SGCZ: variants seen among roughly 807,000 people sequenced by gnomAD.
The protein encoded by SGCZ is sarcoglycan zeta.
In SGCZ, 40 loss-of-function variants were observed where a neutral mutation model predicts 41.3. That is an observed-to-expected ratio of 0.97 (90% CI 0.75 to 1.26). The LOEUF (loss-of-function observed/expected upper bound fraction) is 1.26, where lower values mean the gene tolerates loss of function less well. Ranked by LOEUF, SGCZ falls within the 50% of genes most tolerant of loss-of-function variation. The pLI, the probability that SGCZ is intolerant of heterozygous loss-of-function variation, is 0.00. For missense variants in SGCZ, 552 were observed against 369.8 expected (o/e 1.49, Z -4.04); for synonymous variants, 206 against 137.5 (o/e 1.50, Z -3.49).
chr8:14,491,816 A>C (rs1801850009), intron 2 of SGCZ, among the ~76,000 whole-genome samples: 1 of 151,054 alleles, frequency 6.6e-6, no homozygotes, highest in Non-Finnish European at 1.5e-5. Flanking sequence ...AATATATTTG[A>C]ATGAATCATG....
chr8:14,626,648 G>A (rs10108935), intron 1 of SGCZ, among the ~76,000 whole-genome samples: 103,064 of 151,946 alleles, frequency 0.68, 35,141 homozygotes, highest in East Asian at 0.78. Flanking sequence ...ACATGAAGAT[G>A]AAGACACAGG....
At chr8:14,971,781 C>T (rs1801306820) in intron 1 of SGCZ, among the ~76,000 whole-genome samples, 1 of 151,546 alleles carries the variant, frequency 6.6e-6, no homozygotes, top group Non-Finnish European at 1.5e-5. Context: ...TCCCAAGTAG[C>T]AGGGACCACA....
At chr8:14,564,851 G>C (rs1804311545) in intron 1 of SGCZ, among the ~76,000 whole-genome samples, 1 of 152,094 alleles carries the variant, frequency 6.6e-6, no homozygotes, top group South Asian at 2.1e-4. Flanking sequence ...ACTTACCACG[G>C]CAATTTAAAC....
chr8:14,138,628 CAAG>C (rs1340283698), intron 5 of SGCZ, among the ~76,000 whole-genome samples: 2 of 151,958 alleles, frequency 1.3e-5, no homozygotes, highest in African/African-American at 4.8e-5. Flanking sequence ...ATCAATTCAA[CAAG>C]AAGAGCTAAC....
chr8:14,091,010 G>A (rs1040205483), intron 7 of SGCZ, among the ~76,000 whole-genome samples: 11 of 151,768 alleles, frequency 7.2e-5, no homozygotes, highest in East Asian at 3.9e-4. Context: ...TGACAGGCCC[G>A]GATGTGTGAT....
At chr8:14,386,131 A>G (rs1804566736) in intron 2 of SGCZ, among the ~76,000 whole-genome samples, 1 of 152,140 alleles carries the variant, frequency 6.6e-6, no homozygotes. Context: ...GAATCCACAA[A>G]TACAGAGGCC....
chr8:15,060,918 C>T (rs1195096096), intron 1 of SGCZ, among the ~76,000 whole-genome samples: 1 of 152,082 alleles, frequency 6.6e-6, no homozygotes, highest in African/African-American at 2.4e-5. Context: ...CTTCGATACT[C>T]CACCATAGTA....
At chr8:14,342,963 G>C (rs1003350810) in intron 2 of SGCZ, among the ~76,000 whole-genome samples, 1 of 152,128 alleles carries the variant, frequency 6.6e-6, no homozygotes, top group Non-Finnish European at 1.5e-5. Context: ...GTGCAGCCTA[G>C]GGATTTGGTG....
intron 1 of SGCZ, among the ~76,000 whole-genome samples, chr8:14,737,127 A>G (rs1043386398): frequency 8.3e-6 from 1 of 120,862 alleles, no homozygotes; most frequent in Non-Finnish European, 1.7e-5. Flanking sequence ...TTATATCTAT[A>G]TACTGGATAT....
Position 14,263,404 on chromosome 8 carries a change from C to G in SGCZ, c.337-25725G>C, listed in dbSNP as rs1026249079. Among the ~76,000 whole-genome samples the G allele has an allele frequency of 3.9e-5, 6 of 151,958 alleles. No homozygotes were observed. In the South Asian group the frequency reaches 1.2e-3, roughly 32 times the overall value. ...TCTCTACCAAAAATACAAAAATTAGCCAGGCGTGGAGGCACGTGCCTGAAA... is the reference window on the plus strand; with the variant it reads ...TCTCTACCAAAAATACAAAAATTAGGCAGGCGTGGAGGCACGTGCCTGAAA... On this transcript the variant is annotated intron_variant, in intron 3 of 7. Coordinates refer to ENST00000382080, the MANE Select transcript of SGCZ (RefSeq NM_139167.4).
At chr8:14,472,761 T>C (rs1801249341) in intron 2 of SGCZ, among the ~76,000 whole-genome samples, 1 of 152,144 alleles carries the variant, frequency 6.6e-6, no homozygotes. Context: ...ACAAATTTGT[T>C]TGTGTATGTA....
rs12546359 is a variant in SGCZ at position 15,040,085 on chromosome 8, C to T, written c.39+197500G>A. On this transcript the variant is annotated intron_variant, in intron 1 of 7. Coordinates refer to ENST00000382080, the MANE Select transcript of SGCZ (RefSeq NM_139167.4). ...ATAAAAGGATTTCTCTATTCAAGCT[C>T]ATACAGCAGCTATTACACAAGACCA... Among the ~76,000 whole-genome samples the T allele has an allele frequency of 1.2e-4, 18 of 152,156 alleles. 1 individual carries two copies. Among genetic ancestry groups the T allele is most frequent in the Admixed American group, 1.0e-3 (16 of 15,300 alleles).
At chr8:15,140,428 T>C (rs1808277252) in intron 1 of SGCZ, among the ~76,000 whole-genome samples, 2 of 152,308 alleles carry the variant, frequency 1.3e-5, no homozygotes, top group South Asian at 4.1e-4. Flanking sequence ...TTGGTTAAAT[T>C]TCTTTTCAGA....
At chr8:14,813,823 C>T (rs1050883821) in intron 1 of SGCZ, among the ~76,000 whole-genome samples, 1 of 152,062 alleles carries the variant, frequency 6.6e-6, no homozygotes, top group Admixed American at 6.6e-5. Context: ...CATGGGGGTG[C>T]ATGCCTGTAA....
chr8:14,952,366 T>A (rs1800668004), intron 1 of SGCZ, among the ~76,000 whole-genome samples: 1 of 152,064 alleles, frequency 6.6e-6, no homozygotes, highest in South Asian at 2.1e-4. Flanking sequence ...TCATTTTAGG[T>A]TCAGCGGATA....
intron 4 of SGCZ, among the ~76,000 whole-genome samples, chr8:14,166,109 A>G (rs181257044): frequency 2.0e-5 from 3 of 152,314 alleles, no homozygotes; most frequent in East Asian, 3.9e-4. Flanking sequence ...CCACATAAAA[A>G]TTTGAAAAGC....
chr8:14,769,450 T>C (rs1372966949), intron 1 of SGCZ, among the ~76,000 whole-genome samples: 1 of 152,206 alleles, frequency 6.6e-6, no homozygotes, highest in Non-Finnish European at 1.5e-5. Context: ...AAGCAAAATC[T>C]AATTTTATGT....
intron 1 of SGCZ, among the ~76,000 whole-genome samples, chr8:14,876,370 T>C (rs765419321): frequency 6.6e-6 from 1 of 152,198 alleles, no homozygotes; most frequent in Non-Finnish European, 1.5e-5. Flanking sequence ...AAGACATTCA[T>C]AGCTGTAAAT....
chr8:14,266,572 A>T lies in SGCZ; in HGVS notation c.337-28893T>A, dbSNP rs7463087. Reference sequence around the variant, plus strand: ...AGAGAAGGAAAGGGACAAAATAGGGAACTGAAATCAGTTTATTTCTAGACA... The same window carrying T: ...AGAGAAGGAAAGGGACAAAATAGGGTACTGAAATCAGTTTATTTCTAGACA... On this transcript the variant is annotated intron_variant, in intron 3 of 7. Transcript: ENST00000382080. Among the ~76,000 whole-genome samples the T allele has an allele frequency of 5.3e-3, 808 of 152,228 alleles. 8 individuals are homozygous for T. Among genetic ancestry groups the T allele is most frequent in the Non-Finnish European group, 9.0e-3 (610 of 67,954 alleles).
Sources: gnomAD v4.1 joint callset for allele counts (sites outside exome capture counted in the v4.1 genomes callset) on GRCh38, gnomAD v4.1.1 for gene constraint, MANE v1.5 for transcripts, NCBI Gene and HGNC (gene_info 2026-07-23, HGNC 2026-07-21) for gene names.